Variants in LUZP2 observed in about 807,000 individuals in gnomAD.
LUZP2 encodes leucine zipper protein 2.
LUZP2 carries 52 observed loss-of-function variants against 51.6 expected under a neutral mutation model. That is an observed-to-expected ratio of 1.01 (90% CI 0.81 to 1.27). LUZP2 has a LOEUF of 1.27. Ranked by LOEUF, LUZP2 falls within the 50% of genes most tolerant of loss-of-function variation. LUZP2 has a pLI of 0.00. For synonymous variants in LUZP2, 154 were observed against 137.3 expected (o/e 1.12, Z -0.85); for missense variants, 436 against 395.4 (o/e 1.10, Z -0.87).
intron 6 of LUZP2, among the ~76,000 whole-genome samples, chr11:24,908,634 T>C (rs1466104694): frequency 1.3e-5 from 2 of 152,128 alleles, no homozygotes; most frequent in Non-Finnish European, 1.5e-5. Context: ...AAGTGTTAGC[T>C]GGGTTTTGAA....
At chr11:24,624,074 G>A (rs1012085862) in intron 1 of LUZP2, among the ~76,000 whole-genome samples, 44 of 152,028 alleles carry the variant, frequency 2.9e-4, no homozygotes, top group African/African-American at 1.0e-3. Context: ...TTAATCTTAA[G>A]AATAGCAATA....
chr11:24,742,812 A>G (rs574277588), intron 4 of LUZP2, among the ~76,000 whole-genome samples: 1 of 152,102 alleles, frequency 6.6e-6, no homozygotes, highest in Non-Finnish European at 1.5e-5. Context: ...ATCCACTAGA[A>G]ATTTTATAGT....
At chr11:24,644,085 C>T (rs538407931) in intron 1 of LUZP2, among the ~76,000 whole-genome samples, 1 of 152,272 alleles carries the variant, frequency 6.6e-6, no homozygotes, top group East Asian at 1.9e-4. Context: ...TGAATAATCC[C>T]CATCCTAGGA....
intron 5 of LUZP2, among the ~76,000 whole-genome samples, chr11:24,796,629 T>G (rs1454610720): frequency 6.6e-6 from 1 of 151,570 alleles, no homozygotes; most frequent in African/African-American, 2.4e-5. Flanking sequence ...AGGGCTGGCT[T>G]GTGATAAGAC....
At chr11:25,061,108 G>A (rs1858823489) in intron 10 of LUZP2, among the ~76,000 whole-genome samples, 1 of 149,956 alleles carries the variant, frequency 6.7e-6, no homozygotes, top group South Asian at 2.1e-4. Flanking sequence ...AGGAAATAGA[G>A]TTGGGACTCA....
At chr11:24,616,570 C>T (rs1205559633) in intron 1 of LUZP2, among the ~76,000 whole-genome samples, 1 of 151,552 alleles carries the variant, frequency 6.6e-6, no homozygotes, top group African/African-American at 2.4e-5. Context: ...TACCTTTCCA[C>T]CATAGAAATT....
At chr11:24,723,735 G>A (rs1858366352) in intron 1 of LUZP2, among the ~76,000 whole-genome samples, 1 of 152,132 alleles carries the variant, frequency 6.6e-6, no homozygotes, top group Admixed American at 6.5e-5. Flanking sequence ...GGAGGTTGAG[G>A]TGGGAGGATG....
At chr11:24,865,765 TATA>T (rs1221839480) in intron 5 of LUZP2, among the ~76,000 whole-genome samples, 1 of 122,742 alleles carries the variant, frequency 8.1e-6, no homozygotes, top group Non-Finnish European at 1.7e-5. Flanking sequence ...TATATGTGTA[TATA>T]TATGCATGTA....
chr11:24,640,958 TATAGATATAG>T (rs1565047192), intron 1 of LUZP2, among the ~76,000 whole-genome samples: 1 of 1,486 alleles, frequency 6.7e-4, no homozygotes, highest in Non-Finnish European at 2.2e-3. Flanking sequence ...TCTATATCTG[TATAGATATAG>T]ATATAGATAT....
intron 1 of LUZP2, among the ~76,000 whole-genome samples, chr11:24,618,092 T>A (rs1193232116): frequency 6.6e-6 from 1 of 152,084 alleles, no homozygotes; most frequent in African/African-American, 2.4e-5. Flanking sequence ...GCTGGGCATG[T>A]GTGAGGGTTT....
intron 1 of LUZP2, among the ~76,000 whole-genome samples, chr11:24,524,584 T>C (rs532902698): frequency 1.3e-5 from 2 of 151,910 alleles, no homozygotes; most frequent in Admixed American, 1.3e-4. Context: ...CACCATTGTT[T>C]ATAATTTAGT....
At position 24,532,503 on chromosome 11, in the gene LUZP2, A is replaced by T. The variant is rs74330857; in HGVS notation, c.62+35198A>T. Among the ~76,000 whole-genome samples, 998 of 151,156 alleles carry T rather than the reference A, an allele frequency of 6.6e-3. 15 individuals are homozygous for T. The highest frequency in any genetic ancestry group is 0.022 in the African/African-American group (914 of 41,440). On this transcript the variant is annotated intron_variant, in intron 1 of 11. Transcript: ENST00000336930. ...TATGATCCTAAGAACCATCTCAATTATATGCACCATGAACACTTTTTCTCT... is the reference window on the plus strand; with the variant it reads ...TATGATCCTAAGAACCATCTCAATTTTATGCACCATGAACACTTTTTCTCT...
chr11:24,539,829 A>G (rs1851300092), intron 1 of LUZP2, among the ~76,000 whole-genome samples: 1 of 152,006 alleles, frequency 6.6e-6, no homozygotes, highest in Admixed American at 6.6e-5. Flanking sequence ...AAATTGCTCA[A>G]TTCAGGTTCA....
intron 9 of LUZP2, among the ~76,000 whole-genome samples, chr11:25,040,343 A>ATTTTTTTGTTTTTTTTTTTTT (rs1858012348): frequency 1.0e-5 from 1 of 98,828 alleles, no homozygotes; most frequent in East Asian, 2.4e-4. Context: ...TTTCTTTCCG[A>ATTTTTTTGTTTTTTTTTTTTT]TTTTTTTTTT....
chr11:24,982,632 T>C (rs1233005868), intron 8 of LUZP2, among the ~76,000 whole-genome samples: 1 of 150,886 alleles, frequency 6.6e-6, no homozygotes, highest in Non-Finnish European at 1.5e-5. Flanking sequence ...GGGAGAAGAG[T>C]AGAGTGGAGT....
chr11:24,545,104 A>C (rs1208308680), intron 1 of LUZP2, among the ~76,000 whole-genome samples: 1 of 151,228 alleles, frequency 6.6e-6, no homozygotes, highest in African/African-American at 2.4e-5. Flanking sequence ...ATGTCTGTTC[A>C]TGTCCTTTGC....
chr11:24,794,436 C>T (rs1849494290), intron 5 of LUZP2, among the ~76,000 whole-genome samples: 1 of 152,130 alleles, frequency 6.6e-6, no homozygotes, highest in African/African-American at 2.4e-5. Flanking sequence ...TGCGTATTTT[C>T]AGAATGGCTG....
intron 1 of LUZP2, among the ~76,000 whole-genome samples, chr11:24,657,317 A>G (rs1292728020): frequency 1.3e-5 from 2 of 152,196 alleles, no homozygotes; most frequent in Non-Finnish European, 2.9e-5. Flanking sequence ...GGCCAAATGA[A>G]TGCTAAATTT....
chr11:25,003,377 G>A (rs574768243), intron 9 of LUZP2, among the ~76,000 whole-genome samples: 70 of 152,266 alleles, frequency 4.6e-4, no homozygotes, highest in Non-Finnish European at 7.8e-4. Flanking sequence ...GAGTGCAGGC[G>A]AATACAGAAG....
Sources: gnomAD v4.1 joint callset for allele counts (sites outside exome capture counted in the v4.1 genomes callset) on GRCh38, gnomAD v4.1.1 for gene constraint, MANE v1.5 for transcripts, NCBI Gene and HGNC (gene_info 2026-07-23, HGNC 2026-07-21) for gene names.